KCNH1: variants seen among roughly 807,000 people sequenced by gnomAD.
The protein encoded by KCNH1 is voltage-gated delayed rectifier potassium channel KCNH1.
KCNH1 carries 27 observed loss-of-function variants against 69.2 expected under a neutral mutation model. The ratio of observed to expected loss-of-function variants is 0.39; its 90% CI spans 0.29 to 0.54. The LOEUF (loss-of-function observed/expected upper bound fraction) is 0.54. KCNH1 is among the 20% of genes least tolerant of loss of function. The probability of loss-of-function intolerance (pLI) is 0.68; values close to 1 mark genes in which losing one functional copy is unlikely to be tolerated. For synonymous variants in KCNH1, 456 were observed against 487.7 expected, an observed-to-expected ratio of 0.93 and a Z score of 0.86; for missense variants, 798 against 1,261.6, an observed-to-expected ratio of 0.63 and a Z score of 5.57.
chr1:211,031,865 C>T (rs1029504111), intron 5 of KCNH1, among the ~76,000 whole-genome samples: 1 of 152,092 alleles, frequency 6.6e-6, no homozygotes, highest in African/African-American at 2.4e-5. Context: ...CAGGGATGCC[C>T]TCTCTCACCA....
intron 10 of KCNH1, among the ~76,000 whole-genome samples, chr1:210,747,577 A>C (rs1262315049): frequency 1.3e-5 from 2 of 152,132 alleles, no homozygotes; most frequent in Non-Finnish European, 2.9e-5. Flanking sequence ...ATTAATAAAC[A>C]ACAAAGACTT....
chr1:210,871,487 A>G (rs1686245441), intron 7 of KCNH1, among the ~76,000 whole-genome samples: 1 of 152,220 alleles, frequency 6.6e-6, no homozygotes, highest in Non-Finnish European at 1.5e-5. Context: ...TGTGGAAGTC[A>G]GTGTGGCAAT....
intron 3 of KCNH1, among the ~76,000 whole-genome samples, chr1:211,094,241 G>C (rs1004206395): frequency 6.6e-6 from 1 of 152,114 alleles, no homozygotes; most frequent in Admixed American, 6.5e-5. Flanking sequence ...GTTCACAATA[G>C]GGTTCACGCT....
At chr1:210,854,853 G>A (rs1450994734) in intron 7 of KCNH1, among the ~76,000 whole-genome samples, 2 of 152,148 alleles carry the variant, frequency 1.3e-5, no homozygotes, top group Non-Finnish European at 2.9e-5. Context: ...CTAGCACCAT[G>A]GAGATCTCAT....
intron 9 of KCNH1, among the ~76,000 whole-genome samples, chr1:210,780,770 G>A (rs777796255): frequency 4.6e-5 from 7 of 152,216 alleles, no homozygotes; most frequent in East Asian, 1.9e-4. Flanking sequence ...AGCCATGGCC[G>A]GGCGCGGTGG....
At chr1:210,853,126 C>G (rs1196893454) in intron 7 of KCNH1, among the ~76,000 whole-genome samples, 2 of 152,168 alleles carry the variant, frequency 1.3e-5, no homozygotes, top group Admixed American at 6.5e-5. Context: ...TGCAAGAGAT[C>G]TGGAGTGAGA....
chr1:210,822,483 A>G (rs1046690843), intron 7 of KCNH1, among the ~76,000 whole-genome samples: 2 of 152,162 alleles, frequency 1.3e-5, no homozygotes, highest in Non-Finnish European at 2.9e-5. Context: ...AATTATTTCC[A>G]CCATTTAACT....
chr1:210,938,589 T>C (rs1197016569), intron 6 of KCNH1, among the ~76,000 whole-genome samples: 1 of 152,140 alleles, frequency 6.6e-6, no homozygotes, highest in Non-Finnish European at 1.5e-5. Flanking sequence ...TCTCACTTCT[T>C]CTCTCCCAGG....
chr1:211,037,054 A>T (rs1689913065), intron 5 of KCNH1, among the ~76,000 whole-genome samples: 1 of 152,222 alleles, frequency 6.6e-6, no homozygotes, highest in Non-Finnish European at 1.5e-5. Flanking sequence ...TCTTGATGAA[A>T]AATAGGGAAA....
At chr1:211,036,249 G>C (rs192290501) in intron 5 of KCNH1, among the ~76,000 whole-genome samples, 5 of 152,250 alleles carry the variant, frequency 3.3e-5, no homozygotes, top group Non-Finnish European at 7.4e-5. Context: ...AATCATGATG[G>C]GTGAGAGGTC....
intron 10 of KCNH1, among the ~76,000 whole-genome samples, chr1:210,735,642 A>C (rs1407478984): frequency 3.9e-5 from 6 of 152,146 alleles, no homozygotes; most frequent in Non-Finnish European, 8.8e-5. Flanking sequence ...GAGGCTGCCA[A>C]AAAAGTTTCT....
intron 6 of KCNH1, among the ~76,000 whole-genome samples, chr1:210,942,409 C>T (rs1451571911): frequency 2.0e-5 from 3 of 152,244 alleles, no homozygotes; most frequent in Non-Finnish European, 4.4e-5. Flanking sequence ...AGGAAAAATG[C>T]ATGTAATACA....
At chr1:211,125,437 CA>C (rs1691760822) in intron 1 of KCNH1, among the ~76,000 whole-genome samples, 1 of 152,128 alleles carries the variant, frequency 6.6e-6, no homozygotes, top group African/African-American at 2.4e-5. Context: ...GAAAAGAAAG[CA>C]AATAAAATAA....
chr1:210,779,505 G>A (rs1325264735), intron 9 of KCNH1, among the ~76,000 whole-genome samples: 1 of 152,154 alleles, frequency 6.6e-6, no homozygotes, highest in Non-Finnish European at 1.5e-5. Context: ...CAAATCAGAA[G>A]CCCGGACAAG....
At chr1:211,114,714 C>T (rs1240947562) in intron 1 of KCNH1, among the ~76,000 whole-genome samples, 1 of 152,176 alleles carries the variant, frequency 6.6e-6, no homozygotes, top group African/African-American at 2.4e-5. Flanking sequence ...GCCAAATGCA[C>T]ACAGATGGGC....
intron 7 of KCNH1, among the ~76,000 whole-genome samples, chr1:210,903,417 G>C (rs1035555408): frequency 6.6e-6 from 1 of 152,118 alleles, no homozygotes; most frequent in African/African-American, 2.4e-5. Context: ...GCAGGACTTG[G>C]GAAGGGCTCA....
At chr1:211,105,644 T>C (rs1316329892) in intron 2 of KCNH1, among the ~76,000 whole-genome samples, 1 of 152,194 alleles carries the variant, frequency 6.6e-6, no homozygotes, top group Non-Finnish European at 1.5e-5. Flanking sequence ...AGCAAGTTAT[T>C]TTATCTGATT....
chr1:210,757,560 C>T (rs967042306), intron 10 of KCNH1, among the ~76,000 whole-genome samples: 4 of 152,196 alleles, frequency 2.6e-5, no homozygotes, highest in African/African-American at 9.7e-5. Context: ...TGCCCAGGTG[C>T]AAATCTCCAG....
intron 1 of KCNH1, among the ~76,000 whole-genome samples, chr1:211,122,476 G>A (rs1486058808): frequency 6.6e-6 from 1 of 152,158 alleles, no homozygotes; most frequent in African/African-American, 2.4e-5. Context: ...CCATTACTGG[G>A]TATATGCCCA....
Sources: allele counts gnomAD v4.1 joint callset (sites outside exome capture counted in the v4.1 genomes callset), GRCh38; gene constraint gnomAD v4.1.1; transcripts MANE v1.5; gene names NCBI Gene and HGNC (gene_info 2026-07-23, HGNC 2026-07-21).